Variants in TTLL1 observed in about 807,000 individuals in gnomAD.
TTLL1 encodes the protein TTL family tubulin polyglutamylase complex subunit L1, also known as polyglutamylase complex subunit TTLL1.
In TTLL1, 33 loss-of-function variants were observed where a neutral mutation model predicts 47.8. That is an observed-to-expected ratio of 0.69 (90% CI 0.52 to 0.92). TTLL1 has a LOEUF of 0.92. Ranked by LOEUF, TTLL1 falls within the 40% of genes least tolerant of loss-of-function variation. The pLI is 0.00. For missense variants in TTLL1, 488 were observed against 547.5 expected (o/e 0.89, Z 1.08); for synonymous variants, 225 against 214.1 (o/e 1.05, Z -0.45).
chr22:43,084,304 C>G (rs959220814), intron 1 of TTLL1, among the ~76,000 whole-genome samples: 1 of 151,926 alleles, frequency 6.6e-6, no homozygotes, highest in African/African-American at 2.4e-5. Context: ...GCACCCGCCA[C>G]GATGCCCAGC....
At chr22:43,059,975 C>A (rs1157576366) in intron 7 of TTLL1, among the ~76,000 whole-genome samples, 1 of 152,154 alleles carries the variant, frequency 6.6e-6, no homozygotes, top group East Asian at 1.9e-4. Flanking sequence ...CAGGCATGAG[C>A]CACTGTGCCC....
chr22:43,045,221 A>G (rs1472748474), intron 10 of TTLL1, among the ~76,000 whole-genome samples: 2 of 152,136 alleles, frequency 1.3e-5, no homozygotes, highest in Non-Finnish European at 2.9e-5. Flanking sequence ...TACTGTGTTC[A>G]GCCACCACAC....
chr22:43,085,796 T>A (rs147515013), intron 1 of TTLL1, among the ~76,000 whole-genome samples: 213 of 152,320 alleles, frequency 1.4e-3, no homozygotes, highest in African/African-American at 4.9e-3. Context: ...GTGGACAGCC[T>A]ACACGCTTCC....
At chr22:43,061,147 G>C (rs779372394) in intron 7 of TTLL1, among the ~76,000 whole-genome samples, 1 of 152,288 alleles carries the variant, frequency 6.6e-6, no homozygotes, top group Non-Finnish European at 1.5e-5. Context: ...CCGAGATCCT[G>C]CCACTGTACT....
At chr22:43,055,149 G>A (rs59544223) in intron 8 of TTLL1, among the ~76,000 whole-genome samples, 17 of 150,952 alleles carry the variant, frequency 1.1e-4, no homozygotes, top group Non-Finnish European at 8.9e-5. Flanking sequence ...TCAGCCTCCC[G>A]AGTAGCTGGG....
chr22:43,059,585 C>T (rs547289034), intron 7 of TTLL1, 58 bp from the exon 8 acceptor site: 26 of 1,542,154 alleles, frequency 1.7e-5, no homozygotes, highest in Admixed American at 1.0e-4. Flanking sequence ...AGGAACCCAG[C>T]GGAACCGTTG....
At chr22:43,064,030 C>A in intron 6 of TTLL1, 109 bp from the exon 7 acceptor site, 1 of 1,473,442 alleles carries the variant, frequency 6.8e-7, no homozygotes, top group South Asian at 1.2e-5. Flanking sequence ...ACACGACTCA[C>A]ATCGGCATCG....
chr22:43,072,154 C>CTTTTTTT (rs60673775), intron 3 of TTLL1, among the ~76,000 whole-genome samples: 7 of 138,872 alleles, frequency 5.0e-5, no homozygotes, highest in Non-Finnish European at 6.2e-5. Flanking sequence ...TTTTCTTTTT[C>CTTTTTTT]TTTTTTTTTT....
chr22:43,057,494 C>T (rs1014121293), intron 8 of TTLL1, among the ~76,000 whole-genome samples: 2 of 152,236 alleles, frequency 1.3e-5, no homozygotes, highest in East Asian at 3.9e-4. Context: ...CACAGCTGGC[C>T]ATGGTTACTT....
intron 3 of TTLL1, among the ~76,000 whole-genome samples, chr22:43,072,771 C>T (rs1482869916): frequency 6.6e-6 from 1 of 152,130 alleles, no homozygotes; most frequent in East Asian, 1.9e-4. Flanking sequence ...TGCACCCAGG[C>T]ACCCCACCAC....
chr22:43,057,227 C>T (rs1182135744), intron 8 of TTLL1, among the ~76,000 whole-genome samples: 2 of 150,692 alleles, frequency 1.3e-5, no homozygotes, highest in African/African-American at 4.9e-5. Flanking sequence ...TGAGATTGTG[C>T]CACTGCACTC....
chr22:43,044,879 T>C (rs11703863), intron 10 of TTLL1, among the ~76,000 whole-genome samples: 15,525 of 150,646 alleles, frequency 0.1, 1,440 homozygotes, highest in East Asian at 0.3. Flanking sequence ...TTTTTTTTTT[T>C]GGAGACAGAG....
At chr22:43,056,887 G>C (rs1927052004) in intron 8 of TTLL1, among the ~76,000 whole-genome samples, 1 of 152,144 alleles carries the variant, frequency 6.6e-6, no homozygotes, top group Admixed American at 6.5e-5. Flanking sequence ...CAAACTCCTG[G>C]ACTCAAGCAA....
intron 4 of TTLL1, among the ~76,000 whole-genome samples, 188 bp downstream of exon 4, chr22:43,069,448 T>C (rs1406553661): frequency 2.8e-5 from 4 of 144,684 alleles, no homozygotes; most frequent in African/African-American, 7.7e-5. Context: ...TCACAGAAAC[T>C]AGGATGCCAC....
intron 9 of TTLL1, among the ~76,000 whole-genome samples, chr22:43,048,837 C>T (rs945255380): frequency 4.0e-5 from 6 of 151,040 alleles, no homozygotes; most frequent in Non-Finnish European, 5.9e-5. Flanking sequence ...CTCAGGAGGC[C>T]GAGGCACAAG....
chr22:43,069,546 A>C, intron 4 of TTLL1, 90 bp downstream of exon 4: 1 of 1,575,248 alleles, frequency 6.3e-7, no homozygotes, highest in Non-Finnish European at 8.6e-7. Context: ...TCACGCATCA[A>C]AGCCAACAGT....
intron 10 of TTLL1, 103 bp downstream of exon 10, chr22:43,046,307 C>A: frequency 1.5e-6 from 2 of 1,331,686 alleles, no homozygotes; most frequent in Non-Finnish European, 2.1e-6. Context: ...AACAGTCTGC[C>A]CAAATAAGGA....
intron 5 of TTLL1, among the ~76,000 whole-genome samples, chr22:43,067,578 TA>T (rs1927821541): frequency 6.6e-6 from 1 of 152,130 alleles, no homozygotes. Flanking sequence ...AGTCTGGGAC[TA>T]ATCACACGAA....
intron 1 of TTLL1, among the ~76,000 whole-genome samples, chr22:43,083,069 T>A (rs1159364097): frequency 6.6e-6 from 1 of 151,168 alleles, no homozygotes; most frequent in Non-Finnish European, 1.5e-5. Context: ...TACTCCTTTT[T>A]AAAAATACAT....
Sources: allele counts gnomAD v4.1 joint callset (sites outside exome capture counted in the v4.1 genomes callset), GRCh38; gene constraint gnomAD v4.1.1; transcripts MANE v1.5; gene names NCBI Gene and HGNC (gene_info 2026-07-23, HGNC 2026-07-21).